Variants in AFG1L observed in about 807,000 individuals in gnomAD.
AFG1L encodes AFG1 like ATPase.
A neutral mutation model predicts 62.2 loss-of-function variants in AFG1L; 53 were observed. The ratio of observed to expected loss-of-function variants is 0.85; its 90% confidence interval spans 0.68 to 1.07. The LOEUF is 1.07. Ranked by LOEUF, AFG1L falls within the 50% of genes least tolerant of loss-of-function variation. The pLI is 0.00. For synonymous variants in AFG1L, 228 were observed against 210.3 expected (o/e 1.08, Z -0.73); for missense variants, 555 against 590.5 (o/e 0.94, Z 0.62).
rs151009351 is a variant in AFG1L, at chr6:108,435,038, C to T, written c.808-12176C>T. Among the ~76,000 whole-genome samples, 961 of 152,302 alleles carry T rather than the reference C, an allele frequency of 6.3e-3. 3 individuals are homozygous for T. Among genetic ancestry groups the T allele is most frequent in the South Asian group, 0.019 (92 of 4,826 alleles). ...TTAACCATCTGTCTTCCTTGCTAGACGGATGTTCTGATCACCTCCTATTTA... is the reference window on the plus strand; with the variant it reads ...TTAACCATCTGTCTTCCTTGCTAGATGGATGTTCTGATCACCTCCTATTTA... On this transcript the variant is annotated intron_variant, in intron 7 of 12. Transcript: ENST00000368977.
At chr6:108,295,292 T>A in intron 1 of AFG1L, 74 bp downstream of exon 1, 1 of 1,494,730 alleles carries the variant, frequency 6.7e-7, no homozygotes, top group Admixed American at 2.1e-5. Flanking sequence ...ACCCTCCCTG[T>A]CCGATCTACC....
intron 10 of AFG1L, among the ~76,000 whole-genome samples, chr6:108,484,644 A>G (rs1773451255): frequency 6.6e-6 from 1 of 152,154 alleles, no homozygotes; most frequent in Non-Finnish European, 1.5e-5. Flanking sequence ...TAGGTGCAAA[A>G]TTTTACCATA....
chr6:108,296,029 C>G (rs1324955594), intron 1 of AFG1L: 1 of 152,154 alleles, frequency 6.6e-6, no homozygotes, highest in Non-Finnish European at 1.5e-5. Flanking sequence ...CAAATCCAAG[C>G]AACCCCTGTA....
At chr6:108,448,133 T>G (rs988742332) in intron 8 of AFG1L, among the ~76,000 whole-genome samples, 3 of 152,158 alleles carry the variant, frequency 2.0e-5, no homozygotes, top group Non-Finnish European at 4.4e-5. Flanking sequence ...GCTAGAAAAA[T>G]CACATAATTA....
chr6:108,369,067 CTT>C (rs1346278346), intron 6 of AFG1L, among the ~76,000 whole-genome samples: 9 of 151,896 alleles, frequency 5.9e-5, no homozygotes, highest in Non-Finnish European at 1.0e-4. Flanking sequence ...TCATAAATAA[CTT>C]AATATTTTAA....
At chr6:108,411,947 G>C (rs951327302) in intron 7 of AFG1L, among the ~76,000 whole-genome samples, 1 of 151,608 alleles carries the variant, frequency 6.6e-6, no homozygotes, top group Admixed American at 6.6e-5. Flanking sequence ...TCAGACAATC[G>C]GTAATAACAA....
chr6:108,430,123 G>A (rs556253822), intron 7 of AFG1L, among the ~76,000 whole-genome samples: 7 of 151,974 alleles, frequency 4.6e-5, no homozygotes, highest in African/African-American at 1.7e-4. Flanking sequence ...AATTTTTGTG[G>A]TTTTAGTAGA....
At chr6:108,443,099 T>C (rs1771616588) in intron 7 of AFG1L, among the ~76,000 whole-genome samples, 1 of 152,178 alleles carries the variant, frequency 6.6e-6, no homozygotes, top group Non-Finnish European at 1.5e-5. Flanking sequence ...TAAAAGAGGT[T>C]TAAAAAACAT....
chr6:108,327,053 C>T (rs1778073718), intron 2 of AFG1L, among the ~76,000 whole-genome samples: 1 of 151,986 alleles, frequency 6.6e-6, no homozygotes, highest in Non-Finnish European at 1.5e-5. Context: ...TTGAGATCAG[C>T]CTGGACGATA....
intron 11 of AFG1L, among the ~76,000 whole-genome samples, chr6:108,512,274 G>A (rs552694345): frequency 6.6e-6 from 1 of 152,196 alleles, no homozygotes; most frequent in Non-Finnish European, 1.5e-5. Flanking sequence ...GGGATGGGCC[G>A]AATGTGAAAG....
intron 2 of AFG1L, among the ~76,000 whole-genome samples, chr6:108,325,348 A>T (rs2114312121): frequency 6.6e-6 from 1 of 151,528 alleles, no homozygotes; most frequent in East Asian, 1.9e-4. Context: ...GTTACGAGAT[A>T]TCTGAAGGGC....
chr6:108,320,835 G>A (rs541017743), intron 1 of AFG1L, among the ~76,000 whole-genome samples: 15 of 152,178 alleles, frequency 9.9e-5, no homozygotes, highest in Admixed American at 3.9e-4. Context: ...AGAGTATTTC[G>A]CATACAAAAT....
intron 5 of AFG1L, among the ~76,000 whole-genome samples, chr6:108,364,059 G>A (rs554436982): frequency 3.9e-5 from 6 of 152,206 alleles, no homozygotes; most frequent in African/African-American, 1.4e-4. Context: ...CTAATGAAAT[G>A]TCTCCACTCT....
chr6:108,399,693 A>T lies in AFG1L; in HGVS notation c.749-2303A>T, dbSNP rs867671456. On this transcript the variant is annotated intron_variant, in intron 6 of 12. Transcript: ENST00000368977. Reference sequence around the variant, plus strand: ...TTTTCCTTTTTTTTTTTTTTTTTTTAAAATACTGGGCATGGTGTCATGTGC... The same window carrying T: ...TTTTCCTTTTTTTTTTTTTTTTTTTTAAATACTGGGCATGGTGTCATGTGC... Among the ~76,000 whole-genome samples the T allele has an allele frequency of 9.8e-3, 1,122 of 114,296 alleles. 11 individuals carry two copies. The highest frequency in any genetic ancestry group is 0.031 in the African/African-American group (851 of 27,308). 75.0% of individuals were successfully genotyped at this position (114,296 alleles called of 152,430 possible). A position where few individuals can be genotyped will look rare whatever the true frequency, so the allele number is the denominator to read the frequency against.
chr6:108,323,843 C>G lies in AFG1L; in HGVS notation c.158C>G (p.Ser53Cys). 6.2e-7 allele frequency: 1 copy of G among 1,613,936 alleles called. No homozygotes were observed. The highest frequency in any genetic ancestry group is 8.5e-7 in the Non-Finnish European group (1 of 1,179,874). ...PFWKAYTVQTSESMTPTATSE... is the reference protein window; with the variant it reads ...PFWKAYTVQTCESMTPTATSE... ...TTTATAGCCTATACGGTTCAGACAT[C>G]CGAGAGCATGACCCCAACTGCCACT... is the stretch of plus-strand genomic sequence containing the variant. Residue 53 changes from serine to cysteine, a missense_variant, in exon 2 of 13, where the codon TCC becomes TGC. By Grantham distance (112) the Ser-to-Cys change is moderately radical (BLOSUM62 -1). Coordinates refer to ENST00000368977, the MANE Select transcript of AFG1L (RefSeq NM_145315.5).
At chr6:108,419,129 A>T (rs1300996662) in intron 7 of AFG1L, among the ~76,000 whole-genome samples, 1 of 152,190 alleles carries the variant, frequency 6.6e-6, no homozygotes. Flanking sequence ...GGTTAAAAAA[A>T]TTTTCAATGT....
chr6:108,418,092 A>C (rs1770408303), intron 7 of AFG1L, among the ~76,000 whole-genome samples: 1 of 152,160 alleles, frequency 6.6e-6, no homozygotes, highest in Non-Finnish European at 1.5e-5. Flanking sequence ...TCGGCCTCCC[A>C]AAGACAAATA....
chr6:108,343,184 C>A (rs1778743560), intron 2 of AFG1L, among the ~76,000 whole-genome samples: 1 of 151,798 alleles, frequency 6.6e-6, no homozygotes, highest in Non-Finnish European at 1.5e-5. Context: ...CCTGCCTCAG[C>A]CTCCTGAGTA....
chr6:108,322,339 C>T (rs995174718), intron 1 of AFG1L, among the ~76,000 whole-genome samples: 1 of 152,174 alleles, frequency 6.6e-6, no homozygotes, highest in South Asian at 2.1e-4. Flanking sequence ...GTGTGCATCT[C>T]ATTGCCTCTT....
Sources: allele counts gnomAD v4.1 joint callset (sites outside exome capture counted in the v4.1 genomes callset), GRCh38; gene constraint gnomAD v4.1.1; transcripts MANE v1.5; gene names NCBI Gene and HGNC (gene_info 2026-07-23, HGNC 2026-07-21).